MEIS2: variants seen among roughly 807,000 people sequenced by gnomAD.
MEIS2 encodes Meis homeobox 2.
Under a neutral mutation model 58.6 loss-of-function variants are expected in MEIS2, and 9 were observed. That is an observed-to-expected ratio of 0.15 (90% CI 0.09 to 0.27). The LOEUF is 0.27. Ranked by LOEUF, MEIS2 falls within the 10% of genes least tolerant of loss-of-function variation. The pLI is 1.00. For synonymous variants in MEIS2, 221 were observed against 228.4 expected, an observed-to-expected ratio of 0.97 and a Z score of 0.29; for missense variants, 427 against 635.0, an observed-to-expected ratio of 0.67 and a Z score of 3.52.
At chr15:37,064,299 C>T (rs530561170) in intron 7 of MEIS2, among the ~76,000 whole-genome samples, 5 of 152,052 alleles carry the variant, frequency 3.3e-5, no homozygotes, top group South Asian at 2.1e-4. Flanking sequence ...GCAGATACTA[C>T]GTTAGTATAT....
At chr15:36,929,515 T>C (rs889491770) in intron 9 of MEIS2, among the ~76,000 whole-genome samples, 7 of 152,240 alleles carry the variant, frequency 4.6e-5, no homozygotes, top group Non-Finnish European at 1.0e-4. Context: ...GGCCTCTGCA[T>C]ATAACTATAA....
In MEIS2 at chr15:37,099,718, TCCTCCA is replaced by T; in HGVS notation, c.-258_-253del. The T allele has an allele frequency of 2.4e-6, 1 of 417,302 alleles. No homozygotes were observed. The highest frequency in any genetic ancestry group is 4.4e-5 in the South Asian group (1 of 22,758). 25.8% of individuals were successfully genotyped at this position (417,302 alleles called of 1,614,324 possible). ...CTCCTCCTCCTGATCTTCCTCCTCC[TCCTCCA>T]CCTCCTCCTCCTCCCCCCTCCCCTC... On this transcript the variant is annotated 5_prime_UTR_variant, in exon 1 of 12. Transcript: ENST00000561208.
At chr15:36,968,114 C>A (rs78597287) in intron 8 of MEIS2, among the ~76,000 whole-genome samples, 3,084 of 152,276 alleles carry the variant, frequency 0.02, 120 homozygotes, top group African/African-American at 0.069. Context: ...AGAAACAACT[C>A]TTTTGTGTTA....
intron 9 of MEIS2, among the ~76,000 whole-genome samples, chr15:36,924,129 C>T (rs1455546427): frequency 1.3e-5 from 2 of 152,164 alleles, no homozygotes; most frequent in African/African-American, 2.4e-5. Context: ...ATTTGCTAAT[C>T]ATTACTTCAT....
chr15:36,988,008 G>C (rs939348953), intron 8 of MEIS2, among the ~76,000 whole-genome samples: 3 of 152,098 alleles, frequency 2.0e-5, no homozygotes, highest in African/African-American at 7.2e-5. Flanking sequence ...TCTTAAAAAT[G>C]CCACAGAGTT....
At chr15:36,920,607 G>A (rs533221777) in intron 9 of MEIS2, among the ~76,000 whole-genome samples, 1 of 152,284 alleles carries the variant, frequency 6.6e-6, no homozygotes, top group Non-Finnish European at 1.5e-5. Flanking sequence ...GATGACTTAC[G>A]GATCACAAAT....
intron 6 of MEIS2, among the ~76,000 whole-genome samples, chr15:37,087,122 C>A (rs1460625460): frequency 6.6e-6 from 1 of 152,094 alleles, no homozygotes; most frequent in Non-Finnish European, 1.5e-5. Context: ...AAGAGAAACG[C>A]TCGCCGGGTG....
rs1220240003 is a variant in MEIS2 at position 36,889,586 on chromosome 15, A to T, written c.*2587T>A. ...GCATGAGATGACTTTATTCATTAAA[A>T]CCAAGAGTTGAGAGCTCTGGTCTCT... On this transcript the variant is annotated 3_prime_UTR_variant, in exon 12 of 12. Coordinates refer to ENST00000561208, the MANE Select transcript of MEIS2 (RefSeq NM_170675.5). 1 of 152,210 alleles carries T rather than the reference A, an allele frequency of 6.6e-6. No individual in the cohort carries two copies. The highest frequency in any genetic ancestry group is 1.9e-4 in the East Asian group (1 of 5,196). The allele number at this position is 152,210 out of a possible 1,614,324, so 9.4% of individuals were successfully genotyped here. A position where few individuals can be genotyped will look rare whatever the true frequency, so the allele number is the denominator to read the frequency against.
intron 8 of MEIS2, among the ~76,000 whole-genome samples, chr15:36,985,588 C>A (rs1174897059): frequency 6.6e-6 from 1 of 152,100 alleles, no homozygotes; most frequent in Non-Finnish European, 1.5e-5. Flanking sequence ...TCCGCACTGC[C>A]AATATTTTTT....
chr15:37,086,566 C>T (rs1396511898), intron 6 of MEIS2, among the ~76,000 whole-genome samples: 1 of 152,196 alleles, frequency 6.6e-6, no homozygotes, highest in Non-Finnish European at 1.5e-5. Context: ...ATTCCCTTAT[C>T]TCTTCCCTCT....
chr15:37,046,942 C>T (rs2062701034), intron 7 of MEIS2, among the ~76,000 whole-genome samples: 1 of 151,994 alleles, frequency 6.6e-6, no homozygotes, highest in East Asian at 1.9e-4. Flanking sequence ...TCCTAAGTCT[C>T]CCATTGAATT....
intron 9 of MEIS2, among the ~76,000 whole-genome samples, chr15:36,915,198 G>GA (rs5811947): frequency 6.9e-4 from 101 of 145,992 alleles, no homozygotes; most frequent in Middle Eastern, 3.6e-3. Flanking sequence ...CAACTTCTGG[G>GA]AAAAAAAAAA....
At chr15:36,990,636 G>A (rs2060241035) in intron 8 of MEIS2, among the ~76,000 whole-genome samples, 2 of 48,020 alleles carry the variant, frequency 4.2e-5, no homozygotes, top group Admixed American at 1.2e-4. Flanking sequence ...AGTTTAGTGG[G>A]CTTTCTTTTT....
intron 9 of MEIS2, among the ~76,000 whole-genome samples, chr15:36,949,191 C>A (rs2058671432): frequency 7.5e-6 from 1 of 133,932 alleles, no homozygotes. Flanking sequence ...AGTAGCTTGA[C>A]TTCCCTGGGA....
rs559112833 is a variant in MEIS2 at position 37,025,174 on chromosome 15, A to G, written c.900+11640T>C. On this transcript the variant is annotated intron_variant, in intron 8 of 11. Transcript: ENST00000561208. ...CAAGTTCAGGTTTCATGGAGCTATG[A>G]CAGAGCAAACTATTTCAATGGATTA... is the stretch of plus-strand genomic sequence containing the variant. Among the ~76,000 whole-genome samples, 6 of 152,342 alleles carry G rather than the reference A, an allele frequency of 3.9e-5. No homozygotes were observed. In the South Asian group the frequency reaches 1.2e-3, roughly 32 times the overall value.
intron 8 of MEIS2, among the ~76,000 whole-genome samples, chr15:37,009,150 G>A (rs936543379): frequency 9.9e-5 from 15 of 152,090 alleles, no homozygotes; most frequent in Non-Finnish European, 1.8e-4. Context: ...TTAACCAGGC[G>A]TGGTGGCGGG....
At chr15:36,945,109 A>G (rs1322313864) in intron 9 of MEIS2, among the ~76,000 whole-genome samples, 2 of 151,860 alleles carry the variant, frequency 1.3e-5, no homozygotes, top group African/African-American at 4.8e-5. Flanking sequence ...AAGAAGTGCA[A>G]CCTCTTCTAG....
Position 36,913,271 on chromosome 15 carries a change from G to A in MEIS2, c.978-16585C>T, listed in dbSNP as rs2057128121. ...TTCAAGTTAATCCATAGATGTGGTT[G>A]CAGATTATATTTTTATATTTTAAAA... On this transcript the variant is annotated intron_variant, in intron 9 of 11. Transcript: ENST00000561208. 2.0e-5 allele frequency among the ~76,000 whole-genome samples: 3 copies of A among 152,310 alleles called. No homozygotes were observed. The South Asian group carries it at 6.2e-4, about 32-fold the overall frequency.
chr15:36,991,597 C>T (rs2060276075), intron 8 of MEIS2, among the ~76,000 whole-genome samples: 1 of 151,990 alleles, frequency 6.6e-6, no homozygotes, highest in Non-Finnish European at 1.5e-5. Flanking sequence ...TTGATCTAGG[C>T]ATACTTTTGC....
Sources: allele counts gnomAD v4.1 joint callset (sites outside exome capture counted in the v4.1 genomes callset), GRCh38; gene constraint gnomAD v4.1.1; transcripts MANE v1.5; gene names NCBI Gene and HGNC (gene_info 2026-07-23, HGNC 2026-07-21).